SLC17A8: variants seen among roughly 807,000 people sequenced by gnomAD.
The protein encoded by SLC17A8 is vesicular glutamate transporter 3.
Under a neutral mutation model 58.0 loss-of-function variants are expected in SLC17A8, and 31 were observed. The observed-to-expected ratio is 0.53, with a 90% CI of 0.40 to 0.72. SLC17A8 has a LOEUF of 0.72. Among genes scored for constraint, SLC17A8 ranks in the 30% least tolerant of loss-of-function variants. The pLI is 0.00. For missense variants in SLC17A8, 655 were observed against 727.8 expected, an observed-to-expected ratio of 0.90 and a Z score of 1.15; for synonymous variants, 228 against 249.0, an observed-to-expected ratio of 0.92 and a Z score of 0.79.
At chr12:100,389,228 T>A (rs1952696553) in intron 2 of SLC17A8, among the ~76,000 whole-genome samples, 1 of 152,206 alleles carries the variant, frequency 6.6e-6, no homozygotes, top group Non-Finnish European at 1.5e-5. Flanking sequence ...ATCAGCATAG[T>A]ATCAGTAATG....
At chr12:100,400,376 G>T (rs541532282) in intron 5 of SLC17A8, among the ~76,000 whole-genome samples, 93 of 152,266 alleles carry the variant, frequency 6.1e-4, no homozygotes, top group African/African-American at 2.1e-3. Context: ...GCTGGCATTT[G>T]TGTAACCCAT....
At chr12:100,366,741 T>A (rs1232960289) in intron 1 of SLC17A8, among the ~76,000 whole-genome samples, 1 of 152,238 alleles carries the variant, frequency 6.6e-6, no homozygotes, top group Non-Finnish European at 1.5e-5. Flanking sequence ...CTCAGCCTAC[T>A]GCCCATTCAT....
At chr12:100,373,146 G>A (rs1566388268) in intron 1 of SLC17A8, among the ~76,000 whole-genome samples, 2 of 152,116 alleles carry the variant, frequency 1.3e-5, no homozygotes. Context: ...TCTGCAGACC[G>A]CGGCTGTCTA....
chr12:100,364,621 G>T (rs905639865), intron 1 of SLC17A8, among the ~76,000 whole-genome samples: 1 of 152,160 alleles, frequency 6.6e-6, no homozygotes, highest in Non-Finnish European at 1.5e-5. Flanking sequence ...CTTCCAAGTG[G>T]CATGTGATAA....
At chr12:100,412,933 G>A in intron 10 of SLC17A8, 53 bp downstream of exon 10, 3 of 1,368,240 alleles carry the variant, frequency 2.2e-6, no homozygotes, top group Non-Finnish European at 3.1e-6. Context: ...ACAAGTCCCA[G>A]GAAGAAGGAA....
chr12:100,384,499 A>T (rs945654972), intron 2 of SLC17A8, among the ~76,000 whole-genome samples: 10 of 152,330 alleles, frequency 6.6e-5, no homozygotes, highest in Non-Finnish European at 1.2e-4. Flanking sequence ...GCTACTTGGG[A>T]AGCTGAGGCA....
intron 2 of SLC17A8, among the ~76,000 whole-genome samples, chr12:100,387,657 T>C (rs747109670): frequency 1.3e-5 from 2 of 152,172 alleles, no homozygotes; most frequent in African/African-American, 2.4e-5. Flanking sequence ...GGTAATTCTG[T>C]GGATCTGGGC....
chr12:100,378,196 T>A (rs1952608114), intron 1 of SLC17A8, among the ~76,000 whole-genome samples: 1 of 152,000 alleles, frequency 6.6e-6, no homozygotes, highest in South Asian at 2.1e-4. Context: ...TAAGAAGGAA[T>A]CAGCTATAAG....
intron 5 of SLC17A8, among the ~76,000 whole-genome samples, chr12:100,401,119 G>A (rs1297058803): frequency 6.8e-6 from 1 of 146,746 alleles, no homozygotes; most frequent in Non-Finnish European, 1.5e-5. Flanking sequence ...TGCCTCAGCC[G>A]CCCAAGTAGC....
chr12:100,364,571 A>T (rs1171934511), intron 1 of SLC17A8, among the ~76,000 whole-genome samples: 3 of 152,170 alleles, frequency 2.0e-5, no homozygotes, highest in Non-Finnish European at 4.4e-5. Flanking sequence ...AGCTGACATC[A>T]ACTGGCCAAG....
intron 4 of SLC17A8, among the ~76,000 whole-genome samples, chr12:100,395,693 A>T (rs1442168826): frequency 6.6e-6 from 1 of 151,792 alleles, no homozygotes; most frequent in Non-Finnish European, 1.5e-5. Context: ...GCTCACTGCA[A>T]TCTCTGCCTC....
chr12:100,388,828 C>T (rs565902936), intron 2 of SLC17A8, among the ~76,000 whole-genome samples: 1 of 152,244 alleles, frequency 6.6e-6, no homozygotes, highest in South Asian at 2.1e-4. Context: ...TTTATTCATT[C>T]ATTTGGCGAA....
At chr12:100,377,623 C>T (rs1426256921) in intron 1 of SLC17A8, among the ~76,000 whole-genome samples, 50 of 127,494 alleles carry the variant, frequency 3.9e-4, no homozygotes, top group African/African-American at 1.5e-3. Flanking sequence ...CGGAGTCTCA[C>T]TGTCATGAAG....
At chr12:100,397,082 C>T (rs1952759375) in intron 5 of SLC17A8, among the ~76,000 whole-genome samples, 1 of 152,146 alleles carries the variant, frequency 6.6e-6, no homozygotes, top group Non-Finnish European at 1.5e-5. Flanking sequence ...TTACTAAATG[C>T]AGAGGAGGCT....
At chr12:100,405,772 A>G (rs1451620480) in intron 9 of SLC17A8, among the ~76,000 whole-genome samples, 1 of 152,140 alleles carries the variant, frequency 6.6e-6, no homozygotes, top group East Asian at 1.9e-4. Flanking sequence ...CCCTAAGTCT[A>G]TCCCTCAGCA....
rs1360331227 is a variant in SLC17A8 at position 100,389,803 on chromosome 12, T to TGTA, written c.355-1197_355-1195dup. On this transcript the variant is annotated intron_variant, in intron 2 of 11. Transcript: ENST00000323346. ...ACACACCACCACACCTGGCTAGATTTGTATTATTATTATTATTATTATTAT... is the reference window on the plus strand; with the variant it reads ...ACACACCACCACACCTGGCTAGATTTGTAGTATTATTATTATTATTATTATTAT... Among the ~76,000 whole-genome samples the TGTA allele has an allele frequency of 5.1e-3, 455 of 88,810 alleles. 2 individuals are homozygous for TGTA. The highest frequency in any genetic ancestry group is 0.016 in the African/African-American group (426 of 25,820). The allele number at this position is 88,810 out of a possible 152,430, so 58.3% of individuals were successfully genotyped here. A position where few individuals can be genotyped will look rare whatever the true frequency, so the allele number is the denominator to read the frequency against.
intron 9 of SLC17A8, among the ~76,000 whole-genome samples, chr12:100,407,716 C>T (rs1001483601): frequency 2.0e-5 from 3 of 152,106 alleles, no homozygotes. Flanking sequence ...CACCATTCTC[C>T]TGCCTCAGCC....
chr12:100,419,816 C>A lies in SLC17A8; in HGVS notation c.1427C>A (p.Thr476Asn), dbSNP rs1275402429. The A allele has an allele frequency of 2.5e-6, 4 of 1,612,998 alleles. No individual in the cohort carries two copies. The highest frequency in any genetic ancestry group is 3.4e-6 in the Non-Finnish European group (4 of 1,179,842). The change falls in exon 12 of 12, where the codon ACC becomes AAC. Residue 476 changes from threonine (T) to asparagine (N), a missense_variant and splice_region_variant. Transcript: ENST00000323346. ...TTGGCACTTTATTTCCTTATTTAGA[C>A]CCGTGAAGAATGGCAGAATGTGTTC... ...LIVGAMTRHK[T>N]REEWQNVFLI...
At chr12:100,406,174 T>C (rs1050901262) in intron 9 of SLC17A8, among the ~76,000 whole-genome samples, 1 of 152,282 alleles carries the variant, frequency 6.6e-6, no homozygotes, top group Admixed American at 6.5e-5. Flanking sequence ...GTCCTCTCTA[T>C]ACATCCAGCT....
Sources: gnomAD v4.1 joint callset for allele counts (sites outside exome capture counted in the v4.1 genomes callset) on GRCh38, gnomAD v4.1.1 for gene constraint, MANE v1.5 for transcripts, NCBI Gene and HGNC (gene_info 2026-07-23, HGNC 2026-07-21) for gene names.